Variants in AGBL4 observed in about 807,000 individuals in gnomAD.
AGBL4 encodes the protein cytosolic carboxypeptidase 6.
A neutral mutation model predicts 66.4 loss-of-function variants in AGBL4; 58 were observed. The ratio of observed to expected loss-of-function variants is 0.87; its 90% CI spans 0.71 to 1.09. AGBL4 has a LOEUF of 1.09. Among genes scored for constraint, AGBL4 ranks in the 50% least tolerant of loss-of-function variants. The probability of loss-of-function intolerance (pLI) is 0.00; values close to 1 mark genes in which losing one functional copy is unlikely to be tolerated. For missense variants in AGBL4, 579 were observed against 631.0 expected, an observed-to-expected ratio of 0.92 and a Z score of 0.88; for synonymous variants, 234 against 222.9, an observed-to-expected ratio of 1.05 and a Z score of -0.44.
chr1:49,444,846 C>T (rs899548092), intron 3 of AGBL4, among the ~76,000 whole-genome samples: 16 of 151,856 alleles, frequency 1.1e-4, no homozygotes, highest in African/African-American at 3.6e-4. Flanking sequence ...TTCTTTGTTC[C>T]TTTCAATTTC....
chr1:49,935,522 G>A (rs1653889393), intron 1 of AGBL4, among the ~76,000 whole-genome samples: 1 of 152,176 alleles, frequency 6.6e-6, no homozygotes, highest in Non-Finnish European at 1.5e-5. Context: ...AGAACGGGCA[G>A]ACTACCTCCT....
chr1:49,880,955 G>A lies in AGBL4; in HGVS notation c.35-29437C>T, dbSNP rs536150259. ...CGTCCGTCACCCCTTTCTTTGACTC[G>A]GAAAGGGAACTACCTGACCCCTTGT... is the stretch of plus-strand genomic sequence containing the variant. On this transcript the variant is annotated intron_variant, in intron 1 of 13. Coordinates refer to ENST00000371839, the MANE Select transcript of AGBL4 (RefSeq NM_032785.4). Among the ~76,000 whole-genome samples, 201 of 152,126 alleles carry A rather than the reference G, an allele frequency of 1.3e-3. 3 individuals are homozygous for A. The highest frequency in any genetic ancestry group is 4.5e-3 in the African/African-American group (186 of 41,484).
chr1:49,790,551 G>C lies in AGBL4; in HGVS notation c.157+60845C>G, dbSNP rs1232340706. Among the ~76,000 whole-genome samples the C allele has an allele frequency of 3.3e-5, 5 of 151,830 alleles. No individual in the cohort carries two copies. In the East Asian group the frequency reaches 9.7e-4, roughly 29 times the overall value. ...GGATGAGTGATAATAAATAACAGTT[G>C]AATTAAAAAAATTATCAATTGAGTT... On this transcript the variant is annotated intron_variant, in intron 2 of 13. Coordinates refer to ENST00000371839, the MANE Select transcript of AGBL4 (RefSeq NM_032785.4).
At chr1:48,522,784 G>A in the AGBL4 span, among the ~76,000 whole-genome samples, 1 of 152,140 alleles carries the variant, frequency 6.6e-6, no homozygotes, top group African/African-American at 2.4e-5. Context: ...AAATTAGCTG[G>A]GCATGGTGGA....
At chr1:49,937,566 C>A (rs1451993731) in intron 1 of AGBL4, among the ~76,000 whole-genome samples, 1 of 152,104 alleles carries the variant, frequency 6.6e-6, no homozygotes, top group Non-Finnish European at 1.5e-5. Context: ...CACACCTATT[C>A]CAAAATTGAC....
intron 2 of AGBL4, among the ~76,000 whole-genome samples, chr1:49,778,008 T>C (rs1232660115): frequency 6.6e-6 from 1 of 152,174 alleles, no homozygotes; most frequent in Non-Finnish European, 1.5e-5. Context: ...AGCTCTCATC[T>C]AGTTTCACCC....
At chr1:49,498,865 A>C (rs1408951696) in intron 3 of AGBL4, among the ~76,000 whole-genome samples, 1 of 152,028 alleles carries the variant, frequency 6.6e-6, no homozygotes, top group African/African-American at 2.4e-5. Context: ...ACGTTTATAC[A>C]TTTAAATTAT....
At chr1:49,818,146 T>G (rs560323045) in intron 2 of AGBL4, among the ~76,000 whole-genome samples, 1 of 152,236 alleles carries the variant, frequency 6.6e-6, no homozygotes, top group East Asian at 1.9e-4. Flanking sequence ...AATTAAACAT[T>G]TGGTCACTTA....
intron 3 of AGBL4, among the ~76,000 whole-genome samples, chr1:49,662,979 G>T (rs2124497525): frequency 6.6e-6 from 1 of 152,148 alleles, no homozygotes; most frequent in African/African-American, 2.4e-5. Flanking sequence ...CACAAATGAT[G>T]CTTCTTGGCA....
At chr1:48,697,701 C>A (rs1261182088) in intron 6 of AGBL4, among the ~76,000 whole-genome samples, 7 of 152,164 alleles carry the variant, frequency 4.6e-5, no homozygotes, top group African/African-American at 1.7e-4. Context: ...ACTATGTAAC[C>A]ATTCACCTAC....
chr1:49,712,655 T>A (rs1484593666), intron 2 of AGBL4, among the ~76,000 whole-genome samples: 1 of 151,884 alleles, frequency 6.6e-6, no homozygotes, highest in African/African-American at 2.4e-5. Context: ...ATTTTCATGA[T>A]TATAGAAACC....
intron 2 of AGBL4, among the ~76,000 whole-genome samples, chr1:49,753,886 A>G (rs1651673431): frequency 6.6e-6 from 1 of 152,158 alleles, no homozygotes. Flanking sequence ...TGTATGCTTC[A>G]TGAAGCTATC....
At chr1:49,100,796 C>G (rs1645186962) in intron 4 of AGBL4, among the ~76,000 whole-genome samples, 3 of 152,152 alleles carry the variant, frequency 2.0e-5, no homozygotes, top group African/African-American at 4.8e-5. Flanking sequence ...AAGAAGAAAA[C>G]TACTATTATT....
At chr1:49,739,144 T>A (rs1227868416) in intron 2 of AGBL4, among the ~76,000 whole-genome samples, 1 of 151,908 alleles carries the variant, frequency 6.6e-6, no homozygotes, top group East Asian at 1.9e-4. Context: ...GGCAAAGAAG[T>A]TAAAAACCTT....
chr1:49,948,522 AATAAATATATATAAATATATAAATATAT>A (rs1655737580), intron 1 of AGBL4, among the ~76,000 whole-genome samples: 3 of 97,216 alleles, frequency 3.1e-5, no homozygotes, highest in Non-Finnish European at 6.1e-5. Flanking sequence ...TAAAAATATA[AATAAATATATATAAATATATAAATATAT>A]ATAAATATAT....
chr1:48,620,198 G>A (rs1176860040), intron 9 of AGBL4, among the ~76,000 whole-genome samples: 2 of 152,176 alleles, frequency 1.3e-5, no homozygotes, highest in Non-Finnish European at 2.9e-5. Flanking sequence ...TTGCAAAGAT[G>A]GGGATGGGGA....
intron 3 of AGBL4, among the ~76,000 whole-genome samples, chr1:49,562,057 A>C (rs943883861): frequency 6.6e-6 from 1 of 152,178 alleles, no homozygotes; most frequent in Non-Finnish European, 1.5e-5. Context: ...TCTGATGGCC[A>C]GTGATGATGA....
chr1:48,960,675 G>A lies in AGBL4; in HGVS notation c.594+84909C>T, dbSNP rs543789652. Among the ~76,000 whole-genome samples, 4 of 152,286 alleles carry A rather than the reference G, an allele frequency of 2.6e-5. No individual in the cohort carries two copies. In the South Asian group the frequency reaches 8.3e-4, roughly 32 times the overall value. ...TTTGAAAGTATGAATGGTCAGTTGT[G>A]TTAAAAGCTTCTGGTTTTATTACTT... On this transcript the variant is annotated intron_variant, in intron 5 of 13. Coordinates refer to ENST00000371839, the MANE Select transcript of AGBL4 (RefSeq NM_032785.4).
At chr1:49,736,361 T>C (rs1468548275) in intron 2 of AGBL4, among the ~76,000 whole-genome samples, 1 of 151,862 alleles carries the variant, frequency 6.6e-6, no homozygotes, top group Admixed American at 6.6e-5. Flanking sequence ...CTTAAAAAAT[T>C]TAAGAAGATT....
Sources: allele counts gnomAD v4.1 joint callset (sites outside exome capture counted in the v4.1 genomes callset), GRCh38; gene constraint gnomAD v4.1.1; transcripts MANE v1.5; gene names NCBI Gene and HGNC (gene_info 2026-07-23, HGNC 2026-07-21).